Variants in GRID2 observed in about 807,000 individuals in gnomAD.
GRID2 encodes glutamate ionotropic receptor delta type subunit 2, also known as glutamate receptor ionotropic, delta-2.
GRID2 carries 33 observed loss-of-function variants against 114.8 expected under a neutral mutation model. The ratio of observed to expected loss-of-function variants is 0.29; its 90% CI spans 0.22 to 0.38. The LOEUF (loss-of-function observed/expected upper bound fraction) is 0.38, where lower values mean the gene tolerates loss of function less well. Ranked by LOEUF, GRID2 falls within the 10% of genes least tolerant of loss-of-function variation. The pLI, the probability that GRID2 is intolerant of heterozygous loss-of-function variation, is 1.00. For synonymous variants in GRID2, 505 were observed against 449.9 expected (o/e 1.12, Z -1.55); for missense variants, 1,184 against 1,257.7 (o/e 0.94, Z 0.89).
At chr4:93,094,597 C>A (rs190730394) in intron 3 of GRID2, among the ~76,000 whole-genome samples, 11 of 151,808 alleles carry the variant, frequency 7.2e-5, no homozygotes, top group African/African-American at 2.7e-4. Context: ...TAATGAAAGG[C>A]GACAATCTGA....
At chr4:92,755,816 A>G (rs1737688723) in intron 2 of GRID2, among the ~76,000 whole-genome samples, 1 of 152,152 alleles carries the variant, frequency 6.6e-6, no homozygotes, top group Non-Finnish European at 1.5e-5. Flanking sequence ...GTGAAATGAC[A>G]TTGTTATATT....
chr4:92,460,122 G>A (rs1721426744), intron 1 of GRID2, among the ~76,000 whole-genome samples: 1 of 143,732 alleles, frequency 7.0e-6, no homozygotes, highest in Admixed American at 7.2e-5. Context: ...GGCCCAGAAA[G>A]TGCTGACCAT....
At chr4:93,096,317 T>A (rs1295670728) in intron 3 of GRID2, among the ~76,000 whole-genome samples, 1 of 152,040 alleles carries the variant, frequency 6.6e-6, no homozygotes, top group Non-Finnish European at 1.5e-5. Context: ...TATAAAGATT[T>A]CTTAGGTACC....
chr4:93,782,534 C>CTCA (rs751189317), intron 1 of GRID2, among the ~76,000 whole-genome samples: 2 of 152,042 alleles, frequency 1.3e-5, no homozygotes, highest in Non-Finnish European at 2.9e-5. Context: ...GTCTGAAATA[C>CTCA]TCATCATCAC....
rs549256521 is a variant in GRID2, at chr4:93,016,653, A to G, written c.245-68342A>G. ...GCAAGGGAAAGAATCTAACACATAC[A>G]GATAGGACAAAGTGAAAATGGGAGC... On this transcript the variant is annotated intron_variant, in intron 2 of 15. Coordinates refer to ENST00000282020, the MANE Select transcript of GRID2 (RefSeq NM_001510.4). Among the ~76,000 whole-genome samples the G allele has an allele frequency of 6.6e-5, 10 of 152,300 alleles. No homozygotes were observed. In the South Asian group the frequency reaches 2.1e-3, roughly 32 times the overall value.
chr4:93,524,819 G>GTATA (rs1307000620), intron 13 of GRID2, among the ~76,000 whole-genome samples: 874 of 51,864 alleles, frequency 0.017, 4 homozygotes, highest in Non-Finnish European at 0.02. Flanking sequence ...ATATATGTAT[G>GTATA]TATGTATATA....
chr4:93,272,563 T>C (rs1751576640), intron 8 of GRID2, among the ~76,000 whole-genome samples: 1 of 152,176 alleles, frequency 6.6e-6, no homozygotes, highest in Admixed American at 6.6e-5. Context: ...TCTAAGATCT[T>C]CCAAAGACTT....
At chr4:92,781,280 A>G (rs572317781) in intron 2 of GRID2, among the ~76,000 whole-genome samples, 1 of 152,106 alleles carries the variant, frequency 6.6e-6, no homozygotes, top group East Asian at 1.9e-4. Context: ...CAAAACAACA[A>G]CAAAAAAACA....
intron 2 of GRID2, among the ~76,000 whole-genome samples, chr4:92,758,709 C>G (rs917858764): frequency 6.6e-6 from 1 of 152,066 alleles, no homozygotes; most frequent in Non-Finnish European, 1.5e-5. Flanking sequence ...GAATCTGGTG[C>G]TTGATAAATA....
At chr4:93,504,502 T>G (rs1728436362) in intron 12 of GRID2, among the ~76,000 whole-genome samples, 1 of 152,036 alleles carries the variant, frequency 6.6e-6, no homozygotes, top group Non-Finnish European at 1.5e-5. Context: ...ACTGTAAGAA[T>G]GTATAAGGAC....
intron 2 of GRID2, among the ~76,000 whole-genome samples, chr4:92,959,497 A>C (rs184106020): frequency 2.6e-5 from 4 of 151,916 alleles, no homozygotes; most frequent in African/African-American, 9.6e-5. Flanking sequence ...CAGCAATCCC[A>C]CTGTTGGGTA....
At chr4:92,730,714 C>T (rs969836358) in intron 2 of GRID2, among the ~76,000 whole-genome samples, 23 of 151,890 alleles carry the variant, frequency 1.5e-4, no homozygotes, top group African/African-American at 4.8e-4. Flanking sequence ...AAATGTTCCC[C>T]GATTCTTTAT....
At chr4:93,064,810 G>T (rs999892757) in intron 2 of GRID2, among the ~76,000 whole-genome samples, 14 of 151,806 alleles carry the variant, frequency 9.2e-5, no homozygotes, top group Non-Finnish European at 1.5e-5. Context: ...TATGTTTAAT[G>T]ACATTTCATG....
intron 2 of GRID2, among the ~76,000 whole-genome samples, chr4:92,985,521 G>A (rs893376336): frequency 6.6e-6 from 1 of 152,158 alleles, no homozygotes; most frequent in Admixed American, 6.5e-5. Flanking sequence ...ACAGGCGTAA[G>A]CCACCGCGTC....
At chr4:92,504,934 T>A (rs556605864) in intron 1 of GRID2, among the ~76,000 whole-genome samples, 2 of 152,182 alleles carry the variant, frequency 1.3e-5, no homozygotes, top group African/African-American at 4.8e-5. Flanking sequence ...AAAATTGTAC[T>A]TGTTTTGTAC....
intron 1 of GRID2, among the ~76,000 whole-genome samples, chr4:92,319,345 T>G (rs1726184253): frequency 6.6e-6 from 1 of 152,234 alleles, no homozygotes; most frequent in Non-Finnish European, 1.5e-5. Flanking sequence ...AAAAAATACC[T>G]TCTTGCAGCC....
chr4:92,769,529 C>T (rs183854137), intron 2 of GRID2, among the ~76,000 whole-genome samples: 145 of 152,318 alleles, frequency 9.5e-4, no homozygotes, highest in African/African-American at 3.4e-3. Flanking sequence ...CCTCACTGCC[C>T]TAGCAGAGGT....
At chr4:93,091,619 G>A (rs976087218) in intron 3 of GRID2, among the ~76,000 whole-genome samples, 2 of 152,052 alleles carry the variant, frequency 1.3e-5, no homozygotes, top group Non-Finnish European at 1.5e-5. Flanking sequence ...TAACTGTGAT[G>A]TCATCTTTTT....
At chr4:92,424,816 C>T (rs1043975726) in intron 1 of GRID2, among the ~76,000 whole-genome samples, 2 of 150,748 alleles carry the variant, frequency 1.3e-5, no homozygotes, top group African/African-American at 4.9e-5. Context: ...GTCCTAACAA[C>T]AAAAAATACT....
Sources: allele counts gnomAD v4.1 joint callset (sites outside exome capture counted in the v4.1 genomes callset), GRCh38; gene constraint gnomAD v4.1.1; transcripts MANE v1.5; gene names NCBI Gene and HGNC (gene_info 2026-07-23, HGNC 2026-07-21).